Variants in GPC6 observed in about 807,000 individuals in gnomAD.
GPC6 encodes glypican 6, also known as glypican-6.
A neutral mutation model predicts 55.2 loss-of-function variants in GPC6; 14 were observed. That is an observed-to-expected ratio of 0.25 (90% CI 0.17 to 0.40). The LOEUF is 0.40. Among genes scored for constraint, GPC6 ranks in the 10% least tolerant of loss-of-function variants. The pLI is 1.00. For synonymous variants in GPC6, 278 were observed against 259.6 expected, an observed-to-expected ratio of 1.07 and a Z score of -0.68; for missense variants, 641 against 708.5, an observed-to-expected ratio of 0.90 and a Z score of 1.08.
intron 3 of GPC6, among the ~76,000 whole-genome samples, chr13:94,005,696 T>C (rs1881989863): frequency 6.6e-6 from 1 of 152,200 alleles, no homozygotes; most frequent in Admixed American, 6.5e-5. Context: ...TCTAAAGTGT[T>C]GGCCAAAATA....
intron 2 of GPC6, among the ~76,000 whole-genome samples, chr13:93,677,057 A>G (rs1881662643): frequency 6.6e-6 from 1 of 152,212 alleles, no homozygotes; most frequent in Non-Finnish European, 1.5e-5. Context: ...GAATTACATT[A>G]GTACTAAAAA....
chr13:93,840,612 C>T (rs1887916519), intron 3 of GPC6, among the ~76,000 whole-genome samples: 1 of 152,088 alleles, frequency 6.6e-6, no homozygotes, highest in African/African-American at 2.4e-5. Flanking sequence ...TTTGTACCTT[C>T]CTACCCTAGC....
intron 1 of GPC6, among the ~76,000 whole-genome samples, chr13:93,231,331 G>GTATA (rs1491441959): frequency 1.3e-5 from 1 of 75,484 alleles, no homozygotes; most frequent in African/African-American, 6.5e-5. Context: ...ATATATATAC[G>GTATA]TATATATATA....
chr13:93,385,642 C>G (rs1234931857), intron 1 of GPC6, among the ~76,000 whole-genome samples: 2 of 152,126 alleles, frequency 1.3e-5, no homozygotes, highest in Non-Finnish European at 2.9e-5. Context: ...GGAGAACACG[C>G]CTTTCAGTTT....
At chr13:93,304,994 T>A (rs1409292082) in intron 1 of GPC6, among the ~76,000 whole-genome samples, 2 of 152,180 alleles carry the variant, frequency 1.3e-5, no homozygotes, top group Non-Finnish European at 2.9e-5. Flanking sequence ...CAACTTCAGA[T>A]TCTTGAAATC....
intron 4 of GPC6, among the ~76,000 whole-genome samples, chr13:94,275,057 T>C (rs1308651231): frequency 6.6e-6 from 1 of 152,202 alleles, no homozygotes; most frequent in Non-Finnish European, 1.5e-5. Flanking sequence ...TTTTATAAAC[T>C]TTCTGGAAGA....
chr13:94,208,850 C>G (rs1242903507), intron 4 of GPC6, among the ~76,000 whole-genome samples: 1 of 151,508 alleles, frequency 6.6e-6, no homozygotes, highest in South Asian at 2.1e-4. Context: ...TCGCTTGAGC[C>G]CAGGAGCTCA....
chr13:93,476,889 G>A (rs1342526028), intron 1 of GPC6, among the ~76,000 whole-genome samples: 2 of 152,014 alleles, frequency 1.3e-5, no homozygotes, highest in Non-Finnish European at 2.9e-5. Flanking sequence ...TTTTCTTGAA[G>A]CCTATTCCAA....
chr13:94,274,826 A>G (rs1892152555), intron 4 of GPC6, among the ~76,000 whole-genome samples: 1 of 152,170 alleles, frequency 6.6e-6, no homozygotes, highest in Non-Finnish European at 1.5e-5. Flanking sequence ...ATTTCAAGCT[A>G]AAAGAACTAA....
At chr13:94,267,074 A>G (rs1395508498) in intron 4 of GPC6, among the ~76,000 whole-genome samples, 2 of 152,206 alleles carry the variant, frequency 1.3e-5, no homozygotes, top group East Asian at 3.9e-4. Flanking sequence ...CTTTAAAAAT[A>G]ATGACTTTTA....
chr13:93,249,217 T>G (rs1876704122), intron 1 of GPC6, among the ~76,000 whole-genome samples: 1 of 152,198 alleles, frequency 6.6e-6, no homozygotes, highest in African/African-American at 2.4e-5. Flanking sequence ...TTTTCACCAT[T>G]AATAGGGGCC....
At chr13:94,295,825 C>G (rs889172034) in intron 5 of GPC6, among the ~76,000 whole-genome samples, 1 of 152,036 alleles carries the variant, frequency 6.6e-6, no homozygotes, top group Non-Finnish European at 1.5e-5. Flanking sequence ...GCTTTACATT[C>G]TATTTCTACT....
chr13:93,226,135 T>C (rs904765672), upstream of GPC6, among the ~76,000 whole-genome samples: 6 of 152,118 alleles, frequency 3.9e-5, no homozygotes, highest in African/African-American at 1.4e-4. Context: ...TTAAGTCTAC[T>C]ATGTGAGGGC....
intron 2 of GPC6, among the ~76,000 whole-genome samples, chr13:93,767,231 T>G (rs896572815): frequency 6.6e-6 from 1 of 152,168 alleles, no homozygotes; most frequent in Non-Finnish European, 1.5e-5. Flanking sequence ...AGCAGCTGTA[T>G]TTTGGACTTA....
At chr13:93,935,503 A>G (rs748596363) in intron 3 of GPC6, among the ~76,000 whole-genome samples, 181 of 152,156 alleles carry the variant, frequency 1.2e-3, no homozygotes, top group Non-Finnish European at 2.2e-3. Context: ...ATCAATCATG[A>G]TGGTCACTTA....
chr13:93,231,578 C>T (rs1876066959), intron 1 of GPC6, among the ~76,000 whole-genome samples: 1 of 151,336 alleles, frequency 6.6e-6, no homozygotes, highest in African/African-American at 2.4e-5. Context: ...AGGAATTGGC[C>T]ATGCTACCAC....
chr13:93,509,581 T>C (rs1218382097), intron 1 of GPC6, among the ~76,000 whole-genome samples: 1 of 152,210 alleles, frequency 6.6e-6, no homozygotes, highest in Admixed American at 6.5e-5. Context: ...TGCTTATTCA[T>C]AATGATGATT....
chr13:93,774,750 G>A (rs920307433), intron 2 of GPC6, among the ~76,000 whole-genome samples: 2 of 152,176 alleles, frequency 1.3e-5, no homozygotes, highest in Admixed American at 6.5e-5. Context: ...TCTGGAAATT[G>A]ATGATGAAAA....
At chr13:93,532,802 T>G (rs755799920) in intron 1 of GPC6, among the ~76,000 whole-genome samples, 2 of 152,232 alleles carry the variant, frequency 1.3e-5, no homozygotes, top group Non-Finnish European at 2.9e-5. Flanking sequence ...GTAGCATGTT[T>G]AAATTCTCTC....
Sources: allele counts gnomAD v4.1 joint callset (sites outside exome capture counted in the v4.1 genomes callset), GRCh38; gene constraint gnomAD v4.1.1; transcripts MANE v1.5; gene names NCBI Gene and HGNC (gene_info 2026-07-23, HGNC 2026-07-21).